The following PCDHA9 variants were observed in gnomAD, a reference collection of about 807,000 sequenced individuals.
PCDHA9 encodes the protein protocadherin alpha-9.
Under a neutral mutation model 62.0 loss-of-function variants are expected in PCDHA9, and 62 were observed. The ratio of observed to expected loss-of-function variants is 1.00; its 90% CI spans 0.81 to 1.23. The LOEUF is 1.23. Ranked by LOEUF, PCDHA9 falls within the 50% of genes most tolerant of loss-of-function variation. The pLI is 0.00. For synonymous variants in PCDHA9, 557 were observed against 567.6 expected (o/e 0.98, Z 0.27); for missense variants, 1,205 against 1,249.8 (o/e 0.96, Z 0.54).
chr5:140,992,017 CTGTGTGTGTGTG>C (rs10602499), intron 3 of PCDHA9, among the ~76,000 whole-genome samples: 3 of 145,512 alleles, frequency 2.1e-5, no homozygotes, highest in South Asian at 2.2e-4. Flanking sequence ...AGAGGTGGCT[CTGTGTGTGTGTG>C]TGTGTGTGTG....
At chr5:140,883,502 G>T in intron 1 of PCDHA9, 1 of 1,614,160 alleles carries the variant, frequency 6.2e-7, no homozygotes, top group Non-Finnish European at 8.5e-7. Context: ...GCTGGACAGC[G>T]CCCTGGACCG....
At chr5:140,875,921 C>T (rs782082764) in intron 1 of PCDHA9, 57 of 1,614,110 alleles carry the variant, frequency 3.5e-5, no homozygotes, top group Non-Finnish European at 4.8e-5. Context: ...CCTCTGGACT[C>T]TCATTTTCCT....
intron 1 of PCDHA9, among the ~76,000 whole-genome samples, chr5:140,902,351 A>C (rs1554190404): frequency 1.3e-5 from 2 of 151,346 alleles, no homozygotes; most frequent in African/African-American, 4.9e-5. Context: ...GAAGCCCTTT[A>C]TTTCTTTCTC....
rs6883852 is a variant in PCDHA9, at chr5:140,924,704, G to T, written c.2395-54245G>T. 8.9e-3 allele frequency among the ~76,000 whole-genome samples: 1,352 copies of T among 152,160 alleles called. 15 individuals are homozygous for T. Among genetic ancestry groups the T allele is most frequent in the African/African-American group, 0.032 (1,309 of 41,486 alleles). On this transcript the variant is annotated intron_variant, in intron 1 of 3. Coordinates refer to ENST00000532602, the MANE Select transcript of PCDHA9 (RefSeq NM_031857.2). ...GAGGTCAGGAGTTCGAGACCAGCTT[G>T]TGCAACATGGCGAAACCTCACCTCT...
intron 1 of PCDHA9, chr5:140,928,237 C>T: frequency 6.2e-7 from 1 of 1,614,228 alleles, no homozygotes; most frequent in Non-Finnish European, 8.5e-7. Context: ...TCCTCAACCC[C>T]AGCAGGAACT....
intron 1 of PCDHA9, chr5:140,863,004 G>A (rs1236967953): frequency 1.8e-6 from 1 of 551,012 alleles, no homozygotes; most frequent in African/African-American, 1.9e-5. Flanking sequence ...GTGGACTCCA[G>A]CTATGACGCC....
chr5:140,924,915 AT>A (rs1554202358), intron 1 of PCDHA9, among the ~76,000 whole-genome samples: 19 of 127,348 alleles, frequency 1.5e-4, no homozygotes, highest in African/African-American at 5.1e-4. Context: ...ATAAAATAAA[AT>A]AAAATAAAAT....
At chr5:140,965,103 A>G (rs1453303865) in intron 1 of PCDHA9, among the ~76,000 whole-genome samples, 1 of 152,234 alleles carries the variant, frequency 6.6e-6, no homozygotes, top group Non-Finnish European at 1.5e-5. Context: ...TAGCTAGAAA[A>G]TGACCCATAG....
intron 1 of PCDHA9, among the ~76,000 whole-genome samples, chr5:140,916,528 C>T (rs2077601043): frequency 6.6e-6 from 1 of 152,154 alleles, no homozygotes; most frequent in South Asian, 2.1e-4. Context: ...TGGGTCCTTC[C>T]CACCAAGGCA....
chr5:140,953,960 A>G (rs2153700982), intron 1 of PCDHA9, among the ~76,000 whole-genome samples: 1 of 152,088 alleles, frequency 6.6e-6, no homozygotes, highest in South Asian at 2.1e-4. Flanking sequence ...AACAGGCCCC[A>G]GTGTGTGTTG....
intron 3 of PCDHA9, among the ~76,000 whole-genome samples, chr5:140,993,036 GTCA>G (rs1415732601): frequency 6.6e-6 from 1 of 152,182 alleles, no homozygotes; most frequent in Non-Finnish European, 1.5e-5. Flanking sequence ...GGCTCCGTGT[GTCA>G]TCAAGATGTC....
rs782270666 is a variant in PCDHA9, at chr5:140,884,372, A to G, written c.2394+33483A>G. ...GGTGGATGTCAATGTTTACTTGATC[A>G]TTGCCATCTGCGCGGTGTCCAGCCT... On this transcript the variant is annotated intron_variant, in intron 1 of 3. Coordinates refer to ENST00000532602, the MANE Select transcript of PCDHA9 (RefSeq NM_031857.2). 6 of 1,613,806 alleles carry G rather than the reference A, an allele frequency of 3.7e-6. No homozygotes were observed. Among genetic ancestry groups the G allele is most frequent in the Non-Finnish European group, 5.1e-6 (6 of 1,179,874 alleles).
chr5:140,963,196 GA>G (rs199602110), intron 1 of PCDHA9, among the ~76,000 whole-genome samples: 26 of 147,674 alleles, frequency 1.8e-4, no homozygotes, highest in South Asian at 4.3e-4. Context: ...CTGTGAAAAT[GA>G]AAAAAAAAAC....
chr5:140,897,726 A>T (rs149995278), intron 1 of PCDHA9, among the ~76,000 whole-genome samples: 22,632 of 152,088 alleles, frequency 0.15, 1,739 homozygotes, highest in Middle Eastern at 0.2. Flanking sequence ...GCTGGGTCAA[A>T]TAGTATTTCT....
intron 1 of PCDHA9, among the ~76,000 whole-genome samples, chr5:140,874,822 T>C (rs2055124014): frequency 6.6e-6 from 1 of 152,252 alleles, no homozygotes; most frequent in East Asian, 1.9e-4. Context: ...TTTATATAAA[T>C]GAAATATTGT....
intron 2 of PCDHA9, among the ~76,000 whole-genome samples, chr5:140,980,838 A>G (rs141603230): frequency 5.3e-5 from 8 of 152,320 alleles, no homozygotes; most frequent in African/African-American, 1.4e-4. Flanking sequence ...GTGAACCTAA[A>G]TAATACTAAT....
At chr5:140,884,299 G>A in intron 1 of PCDHA9, 1 of 1,613,736 alleles carries the variant, frequency 6.2e-7, no homozygotes, top group Non-Finnish European at 8.5e-7. Context: ...AAGCGCCACA[G>A]GCTTCGTCGA....
chr5:140,934,172 G>A (rs781789188), intron 1 of PCDHA9, among the ~76,000 whole-genome samples: 47 of 152,018 alleles, frequency 3.1e-4, no homozygotes, highest in Non-Finnish European at 6.6e-4. Flanking sequence ...TGCAACAGAA[G>A]TACTCTAAAC....
chr5:140,927,191 T>G, intron 1 of PCDHA9: 1 of 1,614,144 alleles, frequency 6.2e-7, no homozygotes. Flanking sequence ...TACGACCTGG[T>G]GCTCGAGGAC....
Sources: gnomAD v4.1 joint callset for allele counts (sites outside exome capture counted in the v4.1 genomes callset) on GRCh38, gnomAD v4.1.1 for gene constraint, MANE v1.5 for transcripts, NCBI Gene and HGNC (gene_info 2026-07-23, HGNC 2026-07-21) for gene names.